Variants in OR14I1 observed in about 807,000 individuals in gnomAD.
The protein encoded by OR14I1 is olfactory receptor family 14 subfamily I member 1, also known as olfactory receptor 14I1.
For synonymous variants in OR14I1, 118 were observed against 71.1 expected (o/e 1.66, Z -3.32); for missense variants, 279 against 181.8 (o/e 1.53, Z -3.07).
chr1:248,684,058 A>G (rs1215200952), upstream of OR14I1, among the ~76,000 whole-genome samples: 1 of 152,104 alleles, frequency 6.6e-6, no homozygotes, highest in Admixed American at 6.5e-5. Flanking sequence ...AAAGAATTGT[A>G]CTGTCACACA....
At chr1:248,681,555 A>G (rs1446809550) in exon 1 of OR14I1, 1 of 781,054 alleles carries the variant, frequency 1.3e-6, no homozygotes, top group South Asian at 1.3e-5. Context: ...GCCCTGTGGT[A>G]AGAAAGAGCA....
upstream of OR14I1, among the ~76,000 whole-genome samples, chr1:248,684,547 A>G (rs746542887): frequency 2.0e-5 from 3 of 152,204 alleles, no homozygotes; most frequent in Non-Finnish European, 2.9e-5. Flanking sequence ...CCTAATTACC[A>G]TCACTAGGAA....
downstream of OR14I1, among the ~76,000 whole-genome samples, chr1:248,678,931 G>A (rs1249918359): frequency 6.6e-6 from 1 of 152,202 alleles, no homozygotes; most frequent in Non-Finnish European, 1.5e-5. Context: ...GAAGCTTGCA[G>A]AATTATACTA....
chr1:248,680,061 T>G (rs1196868803), downstream of OR14I1, among the ~76,000 whole-genome samples: 4 of 152,174 alleles, frequency 2.6e-5, no homozygotes, highest in African/African-American at 9.6e-5. Flanking sequence ...TGCAAATAGA[T>G]AGGTCTAAGC....
At chr1:248,686,611 C>T (rs1387398001), upstream of OR14I1, among the ~76,000 whole-genome samples, 2 of 119,608 alleles carry the variant, frequency 1.7e-5, no homozygotes, top group African/African-American at 5.8e-5. Flanking sequence ...AAATATGAAA[C>T]ATAATTACTA....
downstream of OR14I1, chr1:248,681,294 T>C: frequency 1.7e-6 from 1 of 596,450 alleles, no homozygotes; most frequent in Non-Finnish European, 3.0e-6. Flanking sequence ...AATTTTTTCA[T>C]CTTTTTTTGT....
the OR14I1 span, among the ~76,000 whole-genome samples, chr1:248,690,627 C>CGGGAA: frequency 7.9e-6 from 1 of 127,340 alleles, no homozygotes; most frequent in Non-Finnish European, 1.6e-5. Context: ...AAAAAAAGCC[C>CGGGAA]AGGAACAGAC....
chr1:248,681,699 T>G (rs1661567360), exon 1 of OR14I1: 2 of 780,934 alleles, frequency 2.6e-6, no homozygotes, highest in Middle Eastern at 2.2e-4. Context: ...GAACCAAGCA[T>G]GAGCTCAGGG....
At chr1:248,696,085 T>G in the OR14I1 span, among the ~76,000 whole-genome samples, 3 of 152,068 alleles carry the variant, frequency 2.0e-5, no homozygotes, top group Admixed American at 2.0e-4. Context: ...AGGTTAGATC[T>G]CAGTCTGTTT....
chr1:248,682,110 G>A (rs11485825), exon 1 of OR14I1: 655,199 of 780,772 alleles, frequency 0.84, 278,007 homozygotes, highest in Non-Finnish European at 0.88. Context: ...GATCCAAAAC[G>A]GAGAGGTTCT....
chr1:248,689,273 T>C, the OR14I1 span, among the ~76,000 whole-genome samples: 87 of 152,316 alleles, frequency 5.7e-4, no homozygotes, highest in Non-Finnish European at 1.1e-3. Flanking sequence ...GAAAAACACA[T>C]GTTCTGGGTC....
chr1:248,684,934 A>G (rs1470129008), upstream of OR14I1, among the ~76,000 whole-genome samples: 1 of 152,140 alleles, frequency 6.6e-6, no homozygotes, highest in Non-Finnish European at 1.5e-5. Context: ...AAACAAAAAT[A>G]TGAATAAATG....
upstream of OR14I1, among the ~76,000 whole-genome samples, chr1:248,686,394 T>C (rs1381573862): frequency 6.6e-6 from 1 of 152,226 alleles, no homozygotes; most frequent in African/African-American, 2.4e-5. Context: ...TAGTTTTCTC[T>C]GAGTGGCCTG....
chr1:248,702,677 G>C, the OR14I1 span, among the ~76,000 whole-genome samples: 1 of 152,160 alleles, frequency 6.6e-6, no homozygotes, highest in South Asian at 2.1e-4. Flanking sequence ...TACTGCCTCT[G>C]CTCAAAATCC....
downstream of OR14I1, among the ~76,000 whole-genome samples, chr1:248,680,192 AC>A (rs1266555376): frequency 6.6e-6 from 1 of 152,262 alleles, no homozygotes; most frequent in African/African-American, 2.4e-5. Flanking sequence ...TACATTGATA[AC>A]TACAAAAGCA....
the OR14I1 span, among the ~76,000 whole-genome samples, chr1:248,695,369 G>A: frequency 6.6e-6 from 1 of 151,626 alleles, no homozygotes; most frequent in Non-Finnish European, 1.5e-5. Context: ...GAGTAGCTGG[G>A]ACTACAGGCG....
At chr1:248,696,874 G>A in the OR14I1 span, among the ~76,000 whole-genome samples, 1 of 152,156 alleles carries the variant, frequency 6.6e-6, no homozygotes, top group Non-Finnish European at 1.5e-5. Flanking sequence ...AGTGTTATTG[G>A]ATGCGTTTGA....
At chr1:248,699,772 G>A in the OR14I1 span, among the ~76,000 whole-genome samples, 2 of 152,030 alleles carry the variant, frequency 1.3e-5, no homozygotes, top group Admixed American at 1.3e-4. Flanking sequence ...TTGTTTGTTT[G>A]TTTTGAGACA....
the OR14I1 span, among the ~76,000 whole-genome samples, chr1:248,701,726 T>C: frequency 6.6e-6 from 1 of 152,274 alleles, no homozygotes; most frequent in South Asian, 2.1e-4. Context: ...ATCACCAAGA[T>C]GACAGAGTAG....
Sources: allele counts gnomAD v4.1 joint callset (sites outside exome capture counted in the v4.1 genomes callset), GRCh38; gene constraint gnomAD v4.1.1; transcripts MANE v1.5; gene names NCBI Gene and HGNC (gene_info 2026-07-23, HGNC 2026-07-21).